ZGRF1: variants seen among roughly 807,000 people sequenced by gnomAD.
ZGRF1 encodes zinc finger GRF-type containing 1.
In ZGRF1, 196 loss-of-function variants were observed where a neutral mutation model predicts 203.5. That is an observed-to-expected ratio of 0.96 (90% CI 0.86 to 1.08). The LOEUF (loss-of-function observed/expected upper bound fraction) is 1.08. ZGRF1 is among the 50% of genes least tolerant of loss of function. The pLI is 0.00. For synonymous variants in ZGRF1, 809 were observed against 841.3 expected, an observed-to-expected ratio of 0.96 and a Z score of 0.66; for missense variants, 2,326 against 2,416.3, an observed-to-expected ratio of 0.96 and a Z score of 0.78.
intron 24 of ZGRF1, among the ~76,000 whole-genome samples, chr4:112,546,072 G>GTAGTAATAATAATAATAATAA: frequency 6.8e-6 from 1 of 147,274 alleles, no homozygotes; most frequent in African/African-American, 2.5e-5. Context: ...GTACTTTAAA[G>GTAGTAATAATAATAATAATAA]TAATAATAAT....
chr4:112,564,904 G>A (rs999620150), intron 16 of ZGRF1: 4 of 667,570 alleles, frequency 6.0e-6, no homozygotes, highest in Admixed American at 2.6e-5. Flanking sequence ...CCGCGCCGCC[G>A]TCGCTCTCCA....
At chr4:112,575,613 G>A (rs1482303288) in intron 16 of ZGRF1, among the ~76,000 whole-genome samples, 1 of 152,202 alleles carries the variant, frequency 6.6e-6, no homozygotes, top group African/African-American at 2.4e-5. Context: ...TTAGCAAACA[G>A]CACACCAGGA....
At position 112,620,174 on chromosome 4, in the gene ZGRF1, T is replaced by A. The variant is rs1336117797; in HGVS notation, c.179A>T (p.Asp60Val). ...GATTAAGTATCGATCACTTTCTAAG[T>A]CATCTCCAGGTTTCACCTGAAAGAA... is the stretch of plus-strand genomic sequence containing the variant. ...LKCLEVKPGD[D>V]LESDRYLITV... Residue 60 changes from aspartate to valine, a missense_variant, in exon 5 of 28, where the codon GAC (aspartate) becomes GTC (valine). Asp to Val is a radical substitution (Grantham distance 152, BLOSUM62 -3). Transcript: ENST00000505019. 3 of 1,599,198 alleles carry A rather than the reference T, an allele frequency of 1.9e-6. No individual in the cohort carries two copies. Among genetic ancestry groups the A allele is most frequent in the Non-Finnish European group, 2.6e-6 (3 of 1,175,436 alleles).
At chr4:112,564,436 C>A (rs1742614275) in intron 16 of ZGRF1, among the ~76,000 whole-genome samples, 2 of 152,128 alleles carry the variant, frequency 1.3e-5, no homozygotes, top group African/African-American at 4.8e-5. Context: ...TGGACAAAAT[C>A]TATCAAATTG....
chr4:112,565,026 TG>T, intron 16 of ZGRF1: 2 of 999,102 alleles, frequency 2.0e-6, no homozygotes, highest in Non-Finnish European at 1.6e-6. Flanking sequence ...AATCAACCGG[TG>T]GTAAACCACC....
chr4:112,593,293 G>A (rs577252058), intron 10 of ZGRF1, among the ~76,000 whole-genome samples: 257 of 152,038 alleles, frequency 1.7e-3, no homozygotes, highest in Non-Finnish European at 2.8e-3. Flanking sequence ...TCCAAGATTT[G>A]TCTTAAACCC....
At chr4:112,625,050 G>A (rs1206745358) in intron 3 of ZGRF1, among the ~76,000 whole-genome samples, 2 of 152,120 alleles carry the variant, frequency 1.3e-5, no homozygotes, top group Non-Finnish European at 2.9e-5. Flanking sequence ...GTACTCTGCA[G>A]GCTGAGATGC....
chr4:112,576,451 A>G (rs1353886655), intron 16 of ZGRF1, among the ~76,000 whole-genome samples: 1 of 152,228 alleles, frequency 6.6e-6, no homozygotes, highest in African/African-American at 2.4e-5. Context: ...AAGTCGAGAG[A>G]AGAAGGCTCC....
chr4:112,574,512 G>A (rs970288445), intron 16 of ZGRF1, among the ~76,000 whole-genome samples: 1 of 152,186 alleles, frequency 6.6e-6, no homozygotes, highest in South Asian at 2.1e-4. Flanking sequence ...CTTGGGTTTG[G>A]AGAGACAAGA....
At chr4:112,622,541 G>C (rs202224608) in intron 4 of ZGRF1, among the ~76,000 whole-genome samples, 2 of 109,466 alleles carry the variant, frequency 1.8e-5, no homozygotes, top group Non-Finnish European at 4.0e-5. Flanking sequence ...AAAAAAAAAA[G>C]ACTCACTGTA....
intron 17 of ZGRF1, among the ~76,000 whole-genome samples, chr4:112,562,794 G>A (rs1376302042): frequency 2.0e-5 from 3 of 152,168 alleles, no homozygotes; most frequent in African/African-American, 4.8e-5. Context: ...ACAGCCAGCA[G>A]TTTCCTTTAA....
Position 112,587,412 on chromosome 4 carries a change from A to C in ZGRF1, c.3645T>G (p.Asp1215Glu). 1 of 1,613,970 alleles carries C rather than the reference A, an allele frequency of 6.2e-7. No homozygotes were observed. The highest frequency in any genetic ancestry group is 8.5e-7 in the Non-Finnish European group (1 of 1,179,848). Residue 1215 changes from aspartate (D) to glutamate (E), a missense_variant, in exon 12 of 28, where the codon GAT becomes GAG. Coordinates refer to ENST00000505019, the MANE Select transcript of ZGRF1 (RefSeq NM_018392.5). ...IKGMLYQQRQDFSSQDSVSRK... is the reference protein window; with the variant it reads ...IKGMLYQQRQEFSSQDSVSRK... ...TGGAAACCGAATCTTGACTGCTAAAATCCTGCCGCTGTTGATAGAGCATGC... is the reference window on the plus strand; with the variant it reads ...TGGAAACCGAATCTTGACTGCTAAACTCCTGCCGCTGTTGATAGAGCATGC...
chr4:112,583,155 C>A (rs572410582), intron 15 of ZGRF1, among the ~76,000 whole-genome samples: 1 of 152,098 alleles, frequency 6.6e-6, no homozygotes, highest in African/African-American at 2.4e-5. Context: ...ATGCGAAGTG[C>A]CTAGTTAGAA....
chr4:112,580,939 A>C (rs901601858), intron 16 of ZGRF1, among the ~76,000 whole-genome samples: 5 of 152,154 alleles, frequency 3.3e-5, no homozygotes, highest in African/African-American at 1.2e-4. Context: ...TATATACCCA[A>C]AGGATTATAA....
intron 16 of ZGRF1, among the ~76,000 whole-genome samples, chr4:112,576,156 C>G (rs1745170951): frequency 6.6e-6 from 1 of 152,178 alleles, no homozygotes; most frequent in South Asian, 2.1e-4. Flanking sequence ...CTGCTGATAC[C>G]CAGGCAAACA....
chr4:112,583,054 C>T (rs962367840), intron 15 of ZGRF1, among the ~76,000 whole-genome samples: 4 of 151,920 alleles, frequency 2.6e-5, no homozygotes, highest in East Asian at 1.9e-4. Flanking sequence ...TATTTTTTTG[C>T]GGAACCTCAT....
chr4:112,615,871 G>A (rs939923713), intron 6 of ZGRF1, among the ~76,000 whole-genome samples: 1 of 151,252 alleles, frequency 6.6e-6, no homozygotes. Flanking sequence ...CCGACCTCAG[G>A]TGATCCACCC....
rs1435622166 is a variant in ZGRF1 at position 112,577,129 on chromosome 4, T to A, written c.4438+4534A>T. On this transcript the variant is annotated intron_variant, in intron 16 of 27. Coordinates refer to ENST00000505019, the MANE Select transcript of ZGRF1 (RefSeq NM_018392.5). Reference sequence around the variant, plus strand: ...AGAAAGTGGGGGCCAATATTCAACATTCTTAAAGAAAAGAATTTTCAACCC... The same window carrying A: ...AGAAAGTGGGGGCCAATATTCAACAATCTTAAAGAAAAGAATTTTCAACCC... 2.4e-5 allele frequency among the ~76,000 whole-genome samples: 2 copies of A among 82,246 alleles called. 1 individual carries two copies. Among genetic ancestry groups the A allele is most frequent in the Non-Finnish European group, 5.6e-5 (2 of 35,498 alleles). The allele number at this position is 82,246 out of a possible 152,430, so 54.0% of individuals were successfully genotyped here.
In ZGRF1 at chr4:112,581,771, C is replaced by G. The variant is rs1245160242; in HGVS notation, c.4330G>C (p.Gly1444Arg). 5 of 1,474,156 alleles carry G rather than the reference C, an allele frequency of 3.4e-6. No homozygotes were observed. Among genetic ancestry groups the G allele is most frequent in the Non-Finnish European group, 4.5e-6 (5 of 1,100,200 alleles). The allele number at this position is 1,474,156 out of a possible 1,614,324, so 91.3% of individuals were successfully genotyped here. ...ACAGTAGTAAACTTCTTTAGTTTGC[C>G]ATACTGTTTTCTCTGAAAATCAAAT... ...KGFDFQRKQY[G>R]KLKKFTTVNP... is the part of the protein sequence containing the mutation. Residue 1444 changes from glycine (G) to arginine (R), a missense_variant, in exon 16 of 28, where the codon GGC becomes CGC. Gly to Arg is a moderately radical substitution (Grantham distance 125). Transcript: ENST00000505019.
Sources: gnomAD v4.1 joint callset for allele counts (sites outside exome capture counted in the v4.1 genomes callset) on GRCh38, gnomAD v4.1.1 for gene constraint, MANE v1.5 for transcripts, NCBI Gene and HGNC (gene_info 2026-07-23, HGNC 2026-07-21) for gene names.